PLCL1: variants seen among roughly 807,000 people sequenced by gnomAD.
PLCL1 encodes the protein phospholipase C like 1 (inactive), also known as inactive phospholipase C-like protein 1.
In PLCL1, 41 loss-of-function variants were observed where a neutral mutation model predicts 84.4. The ratio of observed to expected loss-of-function variants is 0.49; its 90% CI spans 0.38 to 0.63. The LOEUF (loss-of-function observed/expected upper bound fraction) is 0.63, where lower values mean the gene tolerates loss of function less well. Ranked by LOEUF, PLCL1 falls within the 30% of genes least tolerant of loss-of-function variation. PLCL1 has a pLI of 0.00. For missense variants in PLCL1, 1,206 were observed against 1,367.8 expected (o/e 0.88, Z 1.87); for synonymous variants, 490 against 488.3 (o/e 1.00, Z -0.05).
intron 1 of PLCL1, among the ~76,000 whole-genome samples, chr2:197,923,405 G>A (rs1300605688): frequency 6.8e-6 from 1 of 146,236 alleles, no homozygotes; most frequent in African/African-American, 2.5e-5. Flanking sequence ...CTCAGACGGG[G>A]TGGTTGCCAG....
chr2:198,141,812 G>A (rs1694394289), intron 5 of PLCL1, among the ~76,000 whole-genome samples: 1 of 152,184 alleles, frequency 6.6e-6, no homozygotes, highest in African/African-American at 2.4e-5. Context: ...AACCCAGTCT[G>A]CTGATGAGTG....
chr2:197,960,122 C>A (rs996185608), intron 1 of PLCL1, among the ~76,000 whole-genome samples: 4 of 152,076 alleles, frequency 2.6e-5, no homozygotes, highest in African/African-American at 9.7e-5. Context: ...TTCCTCAGAT[C>A]ACTGCCTTCT....
intron 1 of PLCL1, among the ~76,000 whole-genome samples, chr2:197,935,264 G>A (rs944319179): frequency 2.6e-5 from 4 of 152,080 alleles, no homozygotes; most frequent in African/African-American, 9.7e-5. Context: ...TTACCATTCT[G>A]TATACACCCA....
intron 1 of PLCL1, among the ~76,000 whole-genome samples, chr2:197,985,633 T>C (rs972020569): frequency 2.6e-5 from 4 of 152,230 alleles, no homozygotes; most frequent in Non-Finnish European, 4.4e-5. Flanking sequence ...AAAGTTGTTT[T>C]ATTGCAGTTC....
chr2:197,834,013 A>T (rs1691128424), intron 1 of PLCL1, among the ~76,000 whole-genome samples: 1 of 152,220 alleles, frequency 6.6e-6, no homozygotes, highest in Non-Finnish European at 1.5e-5. Flanking sequence ...ATAATGCCAC[A>T]CATCTACAGC....
chr2:198,083,775 A>C lies in PLCL1; in HGVS notation c.258A>C (p.Lys86Asn). Reference protein sequence around the residue: ...SSIIKDPSNQKCGGRKKTVSF... With the variant: ...SSIIKDPSNQNCGGRKKTVSF... ...TTTTACAGGATCCTTCAAACCAAAA[A>C]TGTGGTGGAAGAAAGAAAACCGTGT... Residue 86 changes from lysine (K) to asparagine (N), a missense_variant, in exon 2 of 6, where the codon AAA becomes AAC. By Grantham distance (94) the Lys-to-Asn change is moderately conservative (BLOSUM62 0). Coordinates refer to ENST00000428675, the MANE Select transcript of PLCL1 (RefSeq NM_006226.4). 1 of 1,581,430 alleles carries C rather than the reference A, an allele frequency of 6.3e-7. No homozygotes were observed. The highest frequency in any genetic ancestry group is 8.6e-7 in the Non-Finnish European group (1 of 1,166,248).
chr2:197,937,181 G>A (rs956971430), intron 1 of PLCL1, among the ~76,000 whole-genome samples: 8 of 152,264 alleles, frequency 5.3e-5, no homozygotes, highest in Admixed American at 4.6e-4. Flanking sequence ...CTCAACTACT[G>A]TTGCTTTTAG....
intron 1 of PLCL1, among the ~76,000 whole-genome samples, chr2:197,918,409 A>T (rs1688635953): frequency 6.6e-6 from 1 of 152,226 alleles, no homozygotes; most frequent in South Asian, 2.1e-4. Flanking sequence ...AAACTAAGGA[A>T]ATTAGAAGAA....
At chr2:197,951,773 T>C (rs1047164418) in intron 1 of PLCL1, among the ~76,000 whole-genome samples, 2 of 152,162 alleles carry the variant, frequency 1.3e-5, no homozygotes, top group East Asian at 1.9e-4. Flanking sequence ...TAGAAGACTG[T>C]TGTCATCAAA....
At chr2:197,860,097 G>T (rs1218796159) in intron 1 of PLCL1, among the ~76,000 whole-genome samples, 2 of 151,950 alleles carry the variant, frequency 1.3e-5, no homozygotes, top group Non-Finnish European at 2.9e-5. Context: ...TCATCATTTA[G>T]CTCCCACTTA....
intron 1 of PLCL1, among the ~76,000 whole-genome samples, chr2:197,946,103 G>C (rs973474426): frequency 5.9e-5 from 9 of 152,014 alleles, no homozygotes; most frequent in Non-Finnish European, 1.2e-4. Context: ...CACTAAAAAA[G>C]ACCTCCAGAT....
chr2:198,104,739 G>A (rs1693430973), intron 5 of PLCL1, among the ~76,000 whole-genome samples: 1 of 152,002 alleles, frequency 6.6e-6, no homozygotes, highest in Non-Finnish European at 1.5e-5. Context: ...ACTGTGAGAT[G>A]GTATCTCACT....
chr2:198,084,650 C>T lies in PLCL1; in HGVS notation c.1133C>T (p.Thr378Ile), dbSNP rs1400131021. 2 of 1,613,970 alleles carry T rather than the reference C, an allele frequency of 1.2e-6. No individual in the cohort carries two copies. The highest frequency in any genetic ancestry group is 8.5e-7 in the Non-Finnish European group (1 of 1,179,948). The part of the protein sequence containing the change: ...QKGFLAIDGF[T>I]QYLLSSECDI... ...GGGTTTCTTGCAATTGATGGCTTTA[C>T]CCAGTATTTATTGTCATCAGAATGT... Residue 378 changes from threonine to isoleucine, a missense_variant, in exon 2 of 6, where the codon ACC becomes ATC. Coordinates refer to ENST00000428675, the MANE Select transcript of PLCL1 (RefSeq NM_006226.4).
At chr2:197,961,074 A>G (rs76445969) in intron 1 of PLCL1, among the ~76,000 whole-genome samples, 2,166 of 152,192 alleles carry the variant, frequency 0.014, 62 homozygotes, top group African/African-American at 0.048. Context: ...GGTTTATACT[A>G]GTCATAAATG....
chr2:197,863,810 C>T (rs966781833), intron 1 of PLCL1, among the ~76,000 whole-genome samples: 6 of 152,128 alleles, frequency 3.9e-5, no homozygotes, highest in African/African-American at 1.2e-4. Context: ...ATTACCTGTA[C>T]ACTTAATATT....
chr2:198,104,942 T>G (rs1460854826), intron 5 of PLCL1, among the ~76,000 whole-genome samples: 1 of 152,034 alleles, frequency 6.6e-6, no homozygotes, highest in Non-Finnish European at 1.5e-5. Context: ...GGATGCATAG[T>G]TTGCAAATAT....
At chr2:197,968,586 C>G (rs1036504082) in intron 1 of PLCL1, among the ~76,000 whole-genome samples, 1 of 152,158 alleles carries the variant, frequency 6.6e-6, no homozygotes, top group African/African-American at 2.4e-5. Flanking sequence ...TTCCAGTATA[C>G]CATGGTGCTA....
At chr2:198,117,857 T>C (rs1326238483) in intron 5 of PLCL1, among the ~76,000 whole-genome samples, 2 of 151,762 alleles carry the variant, frequency 1.3e-5, no homozygotes, top group Non-Finnish European at 2.9e-5. Flanking sequence ...ACTCTGAAAC[T>C]AGAGAGGGAA....
chr2:198,054,992 G>A (rs953543548), intron 1 of PLCL1, among the ~76,000 whole-genome samples: 3 of 152,106 alleles, frequency 2.0e-5, no homozygotes, highest in Non-Finnish European at 4.4e-5. Context: ...TGGCAAATCA[G>A]AAGGTGCACA....
Sources: allele counts gnomAD v4.1 joint callset (sites outside exome capture counted in the v4.1 genomes callset), GRCh38; gene constraint gnomAD v4.1.1; transcripts MANE v1.5; gene names NCBI Gene and HGNC (gene_info 2026-07-23, HGNC 2026-07-21).